The following LRP2 variants were observed in gnomAD, a reference collection of about 807,000 sequenced individuals.
LRP2 encodes the protein LDL receptor related protein 2, also known as low-density lipoprotein receptor-related protein 2.
Under a neutral mutation model 531.0 loss-of-function variants are expected in LRP2, and 172 were observed. The observed-to-expected ratio is 0.32, with a 90% confidence interval of 0.29 to 0.37. The LOEUF is 0.37. Ranked by LOEUF, LRP2 falls within the 10% of genes least tolerant of loss-of-function variation. The pLI is 1.00. For synonymous variants in LRP2, 1,992 were observed against 2,027.6 expected, an observed-to-expected ratio of 0.98 and a Z score of 0.47; for missense variants, 5,167 against 5,868.3, an observed-to-expected ratio of 0.88 and a Z score of 3.90.
chr2:169,260,721 C>A (rs1385996104), intron 16 of LRP2, among the ~76,000 whole-genome samples: 1 of 151,928 alleles, frequency 6.6e-6, no homozygotes, highest in Non-Finnish European at 1.5e-5. Context: ...ATAAAAGTCT[C>A]CCCATAATTA....
At position 169,213,768 on chromosome 2, in the gene LRP2, C is replaced by T. The variant is rs750687896; in HGVS notation, c.5929G>A (p.Asp1977Asn). The T allele has an allele frequency of 5.0e-6, 8 of 1,613,518 alleles. No homozygotes were observed. The highest frequency in any genetic ancestry group is 5.9e-6 in the Non-Finnish European group (7 of 1,179,560). Residue 1977 changes from aspartate (D) to asparagine (N), a missense_variant, in exon 36 of 79, where the codon GAT becomes AAT. Asp to Asn is a conservative substitution (Grantham distance 23). Transcript: ENST00000649046. ...AVHDSFLYYT[D>N]EQYEVIERVD... The stretch of plus-strand genomic sequence containing the variant: ...CTTTCAATGACCTCATACTGTTCAT[C>T]AGTATAATAAAGGAAAGAATCATGG...
chr2:169,274,357 G>A (rs1427085723), intron 14 of LRP2, among the ~76,000 whole-genome samples: 1 of 152,208 alleles, frequency 6.6e-6, no homozygotes, highest in Non-Finnish European at 1.5e-5. Flanking sequence ...GCCGGGGCAG[G>A]AGGATCGCTT....
Position 169,361,380 on chromosome 2 carries a change from C to A in LRP2, c.79+941G>T, listed in dbSNP as rs142595937. ...TCTCTCTCTCTCTCTCTCTCTCCCT[C>A]TCTCTCTCTCTCTCTGTCTCTCTCC... On this transcript the variant is annotated intron_variant, in intron 1 of 78. Transcript: ENST00000649046. Among the ~76,000 whole-genome samples, 5 of 143,108 alleles carry A rather than the reference C, an allele frequency of 3.5e-5. No individual in the cohort carries two copies. The Admixed American group carries it at 3.5e-4, about 10-fold the overall frequency. The allele number at this position is 143,108 out of a possible 152,430, so 93.9% of individuals were successfully genotyped here.
At chr2:169,270,845 T>C in intron 16 of LRP2, 59 bp downstream of exon 16, 1 of 1,279,838 alleles carries the variant, frequency 7.8e-7, no homozygotes, top group Non-Finnish European at 1.1e-6. Flanking sequence ...GTAAGTATCA[T>C]TACAATAAAC....
intron 28 of LRP2, 38 bp downstream of exon 28, chr2:169,237,065 C>G (rs1300586849): frequency 6.5e-7 from 1 of 1,540,332 alleles, no homozygotes; most frequent in Non-Finnish European, 9.0e-7. Flanking sequence ...CTCATCATAA[C>G]CATGTCAAGG....
intron 44 of LRP2, among the ~76,000 whole-genome samples, chr2:169,201,210 A>G (rs1229016592): frequency 1.1e-4 from 16 of 152,256 alleles, no homozygotes; most frequent in Non-Finnish European, 1.0e-4. Flanking sequence ...AGATTGAAGA[A>G]TTATAACAAT....
chr2:169,159,980 C>T (rs1269216498), intron 63 of LRP2, among the ~76,000 whole-genome samples: 2 of 152,172 alleles, frequency 1.3e-5, no homozygotes, highest in East Asian at 3.8e-4. Flanking sequence ...AATGTGAGGG[C>T]TTTCTTATCA....
chr2:169,280,423 C>G lies in LRP2; in HGVS notation c.1268G>C (p.Arg423Pro). Residue 423 changes from arginine (R) to proline (P), a missense_variant, in exon 11 of 79, where the codon CGT becomes CCT. Arg to Pro is a moderately radical substitution (Grantham distance 103). Around this residue, in one of 6 missense-constraint regions of LRP2, gnomAD observed 2,811 missense variants for 3,058.0 expected, o/e 0.92. Transcript: ENST00000649046. The stretch of plus-strand genomic sequence containing the variant: ...GAAAGCCACACCCACGGCCACTCCA[C>G]GATTCTGAGACTCCACTAGGATCCG... ...SFRILVESQN[R>P]GVAVGVAFHY... The G allele has an allele frequency of 6.2e-7, 1 of 1,614,176 alleles. No individual in the cohort carries two copies.
At chr2:169,138,302 A>G (rs1217657441) in intron 75 of LRP2, among the ~76,000 whole-genome samples, 1 of 152,240 alleles carries the variant, frequency 6.6e-6, no homozygotes, top group Admixed American at 6.5e-5. Context: ...CAAAAAAACC[A>G]GAAAGCTCTT....
intron 27 of LRP2, 22 bp from the exon 28 acceptor site, chr2:169,237,309 GA>G: frequency 6.4e-7 from 1 of 1,559,304 alleles, no homozygotes; most frequent in East Asian, 2.2e-5. Flanking sequence ...AGTGAATAAA[GA>G]GTGAATTCTA....
chr2:169,185,779 G>T lies in LRP2; in HGVS notation c.9569C>A (p.Thr3190Asn). 1.9e-6 allele frequency: 3 copies of T among 1,613,822 alleles called. No homozygotes were observed. The highest frequency in any genetic ancestry group is 2.5e-6 in the Non-Finnish European group (3 of 1,179,932). The change falls in exon 50 of 79, where the codon ACC becomes AAC. Residue 3190 changes from threonine (T) to asparagine (N), a missense_variant. Physicochemically the swap from Thr to Asn is moderately conservative, Grantham distance 65. Around this residue, in one of 6 missense-constraint regions of LRP2, gnomAD observed 1,129 missense variants for 1,362.7 expected, o/e 0.83. Coordinates refer to ENST00000649046, the MANE Select transcript of LRP2 (RefSeq NM_004525.3). ...PGYLREPDGK[T>N]CRQNSNIEPY... is the part of the protein sequence containing the mutation. ...TTCGATGTTACTGTTTTGCCGGCAGGTCTTTCCATCTGGTTCTCGGAGGTA... is the reference window on the plus strand; with the variant it reads ...TTCGATGTTACTGTTTTGCCGGCAGTTCTTTCCATCTGGTTCTCGGAGGTA...
intron 63 of LRP2, among the ~76,000 whole-genome samples, chr2:169,157,917 G>GAAATAAATAAATAAAT (rs71397691): frequency 1.1e-3 from 141 of 130,734 alleles, no homozygotes; most frequent in Middle Eastern, 4.2e-3. Context: ...ATAACAGATA[G>GAAATAAATAAATAAAT]AAATAAATAA....
In LRP2 at chr2:169,233,870, A is replaced by T. The variant is rs185920787; in HGVS notation, c.4921-282T>A. Among the ~76,000 whole-genome samples, 4 of 152,302 alleles carry T rather than the reference A, an allele frequency of 2.6e-5. No homozygotes were observed. The East Asian group carries it at 7.7e-4, about 29-fold the overall frequency. The stretch of plus-strand genomic sequence containing the variant: ...ATTTTACAAATGAAAACAAAACTGA[A>T]GCACAAAAAGCAAGGTGATGTATCC... On this transcript the variant is annotated intron_variant, in intron 29 of 78. Transcript: ENST00000649046.
chr2:169,337,040 G>T (rs376871345), intron 1 of LRP2, among the ~76,000 whole-genome samples: 1 of 152,008 alleles, frequency 6.6e-6, no homozygotes, highest in African/African-American at 2.4e-5. Flanking sequence ...TCCCACCTCC[G>T]CCTGACTTCC....
chr2:169,347,338 T>C lies in LRP2; in HGVS notation c.79+14983A>G, dbSNP rs145123437. On this transcript the variant is annotated intron_variant, in intron 1 of 78. Transcript: ENST00000649046. Reference sequence around the variant, plus strand: ...GAGACCTTTAAGCACATCCAGCACATAGGAAATGTCTTCTCCATCTCTACA... The same window carrying C: ...GAGACCTTTAAGCACATCCAGCACACAGGAAATGTCTTCTCCATCTCTACA... Among the ~76,000 whole-genome samples, 121 of 152,300 alleles carry C rather than the reference T, an allele frequency of 7.9e-4. 1 individual carries two copies. Among genetic ancestry groups the C allele is most frequent in the African/African-American group, 2.5e-3 (103 of 41,556 alleles).
At position 169,128,994 on chromosome 2, in the gene LRP2, A is replaced by G. The variant is rs1271451517; in HGVS notation, c.13800+19T>C. 6.3e-7 allele frequency: 1 copy of G among 1,591,950 alleles called. No homozygotes were observed. Among genetic ancestry groups the G allele is most frequent in the Non-Finnish European group, 8.6e-7 (1 of 1,159,958 alleles). On this transcript the variant is annotated intron_variant, in intron 78 of 78. Transcript: ENST00000649046. ...TCTAAGAAAAAATGTCTGTGCTAAG[A>G]AAAATTGTTAAAAATTACCTGTGCA...
Position 169,201,679 on chromosome 2 carries a change from T to C in LRP2, c.8401A>G (p.Asn2801Asp). The C allele has an allele frequency of 6.2e-7, 1 of 1,614,220 alleles. No individual in the cohort carries two copies. The highest frequency in any genetic ancestry group is 8.5e-7 in the Non-Finnish European group (1 of 1,180,038). The change falls in exon 44 of 79, where the codon AAT (asparagine) becomes GAT (aspartate). Residue 2801 changes from asparagine (N) to aspartate (D), a missense_variant. Transcript: ENST00000649046. ...RRCIPREFIC[N>D]GVDNCHDNNT... ...TTATCATGGCAGTTGTCTACACCAT[T>C]GCAGATAAACTCACGAGGTATGCAC... is the stretch of plus-strand genomic sequence containing the variant.
At chr2:169,197,972 A>G in intron 45 of LRP2, among the ~76,000 whole-genome samples, 2 of 152,336 alleles carry the variant, frequency 1.3e-5, no homozygotes, top group South Asian at 4.1e-4. Context: ...TTATGTATCT[A>G]TTTACACTAA....
At chr2:169,289,258 C>G (rs781777396) in intron 8 of LRP2, 113 bp from the exon 9 acceptor site, 1 of 1,366,544 alleles carries the variant, frequency 7.3e-7, no homozygotes, top group Admixed American at 1.7e-5. Flanking sequence ...AGTAGATGTA[C>G]AGAAAAATCT....
Sources: allele counts gnomAD v4.1 joint callset (sites outside exome capture counted in the v4.1 genomes callset), GRCh38; gene constraint gnomAD v4.1.1; regional missense constraint gnomAD v4.1.1; transcripts MANE v1.5; gene names NCBI Gene and HGNC (gene_info 2026-07-23, HGNC 2026-07-21).